The following SCGB3A1 variants were observed in gnomAD, a reference collection of about 807,000 sequenced individuals.
SCGB3A1 encodes cytokine HIN-1.
In SCGB3A1, 7 loss-of-function variants were observed where a neutral mutation model predicts 7.6. The observed-to-expected ratio is 0.93, with a 90% CI of 0.53 to 1.74. The LOEUF is 1.74. SCGB3A1 is among the 40% of genes most tolerant of loss of function. SCGB3A1 has a pLI of 0.00. For synonymous variants in SCGB3A1, 67 were observed against 66.6 expected, an observed-to-expected ratio of 1.01 and a Z score of -0.03; for missense variants, 119 against 129.0, an observed-to-expected ratio of 0.92 and a Z score of 0.38.
At position 180,590,772 on chromosome 5, in the gene SCGB3A1, G is replaced by T. The variant is rs773272977; in HGVS notation, c.119C>A (p.Ala40Glu). ...GGCCAGGGTCCCGGCCCCGGCCTCCGCCGCCGACTCCAGCGCAGCGACAGG... is the reference window on the plus strand; with the variant it reads ...GGCCAGGGTCCCGGCCCCGGCCTCCTCCGCCGACTCCAGCGCAGCGACAGG... The part of the protein sequence containing the change: ...AQPVAALESA[A>E]EAGAGTLANP... The change falls in exon 2 of 3, where the codon GCG becomes GAG. Residue 40 changes from alanine (A) to glutamate (E), a missense_variant. By Grantham distance (107) the Ala-to-Glu change is moderately radical. Coordinates refer to ENST00000292641, the MANE Select transcript of SCGB3A1 (RefSeq NM_052863.3). 6.3e-7 allele frequency: 1 copy of T among 1,590,772 alleles called. No individual in the cohort carries two copies. Among genetic ancestry groups the T allele is most frequent in the Middle Eastern group, 1.7e-4 (1 of 5,968 alleles).
chr5:180,591,403 G>A lies in SCGB3A1; in HGVS notation c.52+8C>T. Reference sequence around the variant, plus strand: ...CCACCGTGCGCGCCAGGAGCCCGGGGCGCTCACCGGAGCTGCAGGACAGGG... The same window carrying A: ...CCACCGTGCGCGCCAGGAGCCCGGGACGCTCACCGGAGCTGCAGGACAGGG... On this transcript the variant is annotated splice_region_variant and intron_variant, in intron 1 of 2. Transcript: ENST00000292641. 1.6e-6 allele frequency: 2 copies of A among 1,225,454 alleles called. No homozygotes were observed. The highest frequency in any genetic ancestry group is 2.0e-6 in the Non-Finnish European group (2 of 983,900). 75.9% of individuals were successfully genotyped at this position (1,225,454 alleles called of 1,614,324 possible). A position where few individuals can be genotyped will look rare whatever the true frequency, so the allele number is the denominator to read the frequency against.
chr5:180,591,404 C>T lies in SCGB3A1; in HGVS notation c.52+7G>A. The T allele has an allele frequency of 8.2e-7, 1 of 1,225,438 alleles. No homozygotes were observed. Among genetic ancestry groups the T allele is most frequent in the Non-Finnish European group, 1.0e-6 (1 of 983,888 alleles). The allele number at this position is 1,225,438 out of a possible 1,614,324, so 75.9% of individuals were successfully genotyped here. ...CACCGTGCGCGCCAGGAGCCCGGGG[C>T]GCTCACCGGAGCTGCAGGACAGGGC... On this transcript the variant is annotated splice_region_variant and intron_variant, in intron 1 of 2. Coordinates refer to ENST00000292641, the MANE Select transcript of SCGB3A1 (RefSeq NM_052863.3).
chr5:180,591,241 G>T (rs575858555), intron 1 of SCGB3A1, 170 bp downstream of exon 1: 2 of 458,046 alleles, frequency 4.4e-6, no homozygotes, highest in South Asian at 1.2e-4. Flanking sequence ...AGCCCTGAGA[G>T]GGGGAGGCCG....
Position 180,590,271 on chromosome 5 carries a change from G to C in SCGB3A1, c.292-17C>G. On this transcript the variant is annotated splice_polypyrimidine_tract_variant and intron_variant, in intron 2 of 2. Coordinates refer to ENST00000292641, the MANE Select transcript of SCGB3A1 (RefSeq NM_052863.3). ...CAGGGCCCCCTGGAAAGCAGAAGCC[G>C]AGCTTGAGTGCCCCCAGCCCTGCCA... is the stretch of plus-strand genomic sequence containing the variant. 1 of 1,573,094 alleles carries C rather than the reference G, an allele frequency of 6.4e-7. No homozygotes were observed. Among genetic ancestry groups the C allele is most frequent in the Non-Finnish European group, 8.6e-7 (1 of 1,159,216 alleles).
chr5:180,590,894 G>A, intron 1 of SCGB3A1, 56 bp from the exon 2 acceptor site: 1 of 1,347,776 alleles, frequency 7.4e-7, no homozygotes, highest in Non-Finnish European at 1.0e-6. Flanking sequence ...CAGAAGGCAG[G>A]TCCAGGACGC....
chr5:180,590,106 GC>G lies in SCGB3A1; in HGVS notation c.*124del. The G allele has an allele frequency of 9.0e-7, 1 of 1,110,428 alleles. No individual in the cohort carries two copies. Among genetic ancestry groups the G allele is most frequent in the Non-Finnish European group, 1.3e-6 (1 of 746,560 alleles). 68.8% of individuals were successfully genotyped at this position (1,110,428 alleles called of 1,614,324 possible). A position where few individuals can be genotyped will look rare whatever the true frequency, so the allele number is the denominator to read the frequency against. On this transcript the variant is annotated 3_prime_UTR_variant, in exon 3 of 3. Coordinates refer to ENST00000292641, the MANE Select transcript of SCGB3A1 (RefSeq NM_052863.3). The stretch of plus-strand genomic sequence containing the variant: ...GATGAGAAAATACCAGGCTCGAGCT[GC>G]TCTTAACCACGTTTATTGAGAGGGG...
At chr5:180,590,391 C>A in intron 2 of SCGB3A1, 137 bp from the exon 3 acceptor site, 2 of 1,215,734 alleles carry the variant, frequency 1.6e-6, no homozygotes, top group Non-Finnish European at 2.3e-6. Context: ...CGCACCCGCG[C>A]GGGGCCATCT....
intron 2 of SCGB3A1, 59 bp downstream of exon 2, chr5:180,590,533 GTGCAGTTT>G: frequency 1.5e-6 from 2 of 1,294,298 alleles, no homozygotes; most frequent in Non-Finnish European, 2.2e-6. Context: ...GACACCTCTG[GTGCAGTTT>G]TGAGGCTGGC....
chr5:180,590,225 C>A lies in SCGB3A1; in HGVS notation c.*6G>T. The A allele has an allele frequency of 6.3e-7, 1 of 1,582,630 alleles. No individual in the cohort carries two copies. The highest frequency in any genetic ancestry group is 8.6e-7 in the Non-Finnish European group (1 of 1,164,710). ...TGTCCTCAGGTGTAGATGCTCCAGT[C>A]TCGGCTCAGCCAAACACTGTCAGGG... On this transcript the variant is annotated 3_prime_UTR_variant, in exon 3 of 3. Coordinates refer to ENST00000292641, the MANE Select transcript of SCGB3A1 (RefSeq NM_052863.3).
intron 1 of SCGB3A1, chr5:180,591,073 G>A: frequency 2.0e-6 from 1 of 506,618 alleles, no homozygotes; most frequent in Non-Finnish European, 3.4e-6. Flanking sequence ...TGAGGGTGGC[G>A]GAAGGACCGG....
intron 2 of SCGB3A1, 116 bp downstream of exon 2, chr5:180,590,484 G>T: frequency 2.1e-6 from 2 of 964,944 alleles, no homozygotes; most frequent in Non-Finnish European, 3.1e-6. Flanking sequence ...GACAGGGCTT[G>T]GAGGGGCAGG....
intron 2 of SCGB3A1, 83 bp from the exon 3 acceptor site, chr5:180,590,337 G>GGGGAGC (rs1253478368): frequency 4.4e-5 from 68 of 1,528,598 alleles, no homozygotes; most frequent in Middle Eastern, 1.8e-4. Context: ...CCGGCTCTGT[G>GGGGAGC]GGGAGCGGGA....
At chr5:180,591,102 C>T (rs937196694) in intron 1 of SCGB3A1, 14 of 461,990 alleles carry the variant, frequency 3.0e-5, no homozygotes, top group African/African-American at 2.1e-4. Context: ...GTGCAGGGTC[C>T]GGGACAGGCC....
chr5:180,591,164 C>T, intron 1 of SCGB3A1: 1 of 407,234 alleles, frequency 2.5e-6, no homozygotes, highest in Non-Finnish European at 4.3e-6. Flanking sequence ...GAGCCGGTCT[C>T]CAGACGGGGG....
Position 180,590,143 on chromosome 5 carries a change from G to T in SCGB3A1, c.*88C>A. The T allele has an allele frequency of 7.1e-7, 1 of 1,415,766 alleles. No individual in the cohort carries two copies. Among genetic ancestry groups the T allele is most frequent in the Non-Finnish European group, 9.8e-7 (1 of 1,021,934 alleles). 87.7% of individuals were successfully genotyped at this position (1,415,766 alleles called of 1,614,324 possible). A position where few individuals can be genotyped will look rare whatever the true frequency, so the allele number is the denominator to read the frequency against. On this transcript the variant is annotated 3_prime_UTR_variant, in exon 3 of 3. Transcript: ENST00000292641. Reference sequence around the variant, plus strand: ...GTTTATTGAGAGGGGCCGGGGGAAGGGGATGGACGGTCCTCCCCGCGGCGG... The same window carrying T: ...GTTTATTGAGAGGGGCCGGGGGAAGTGGATGGACGGTCCTCCCCGCGGCGG...
At position 180,590,537 on chromosome 5, in the gene SCGB3A1, A is replaced by T; in HGVS notation, c.291+63T>A. 2.3e-6 allele frequency: 3 copies of T among 1,326,232 alleles called. No homozygotes were observed. In the South Asian group the frequency reaches 3.9e-5, roughly 17 times the overall value. 82.2% of individuals were successfully genotyped at this position (1,326,232 alleles called of 1,614,324 possible). A position where few individuals can be genotyped will look rare whatever the true frequency, so the allele number is the denominator to read the frequency against. Reference sequence around the variant, plus strand: ...CGTAGGGCCGGGACACCTCTGGTGCAGTTTTGAGGCTGGCCGGGAAGGGAT... The same window carrying T: ...CGTAGGGCCGGGACACCTCTGGTGCTGTTTTGAGGCTGGCCGGGAAGGGAT... On this transcript the variant is annotated intron_variant, in intron 2 of 2. Coordinates refer to ENST00000292641, the MANE Select transcript of SCGB3A1 (RefSeq NM_052863.3).
rs990015157 is a variant in SCGB3A1, at chr5:180,590,203, C to T, written c.*28G>A. The T allele has an allele frequency of 1.9e-6, 3 of 1,577,934 alleles. No individual in the cohort carries two copies. The highest frequency in any genetic ancestry group is 2.6e-6 in the Non-Finnish European group (3 of 1,161,854). On this transcript the variant is annotated 3_prime_UTR_variant, in exon 3 of 3. Transcript: ENST00000292641. The stretch of plus-strand genomic sequence containing the variant: ...CCCTCGCGGGTGGGCAGCGTCTTGT[C>T]CTCAGGTGTAGATGCTCCAGTCTCG...
intron 2 of SCGB3A1, 138 bp from the exon 3 acceptor site, chr5:180,590,392 G>A (rs1761289781): frequency 1.6e-6 from 2 of 1,215,322 alleles, no homozygotes; most frequent in East Asian, 2.6e-5. Flanking sequence ...GCACCCGCGC[G>A]GGGCCATCTC....
chr5:180,590,340 G>C (rs1228550260), intron 2 of SCGB3A1, 86 bp from the exon 3 acceptor site: 3 of 1,516,992 alleles, frequency 2.0e-6, no homozygotes, highest in Non-Finnish European at 2.7e-6. Flanking sequence ...GCTCTGTGGG[G>C]AGCGGGAGCG....
Sources: gnomAD v4.1 joint callset for allele counts on GRCh38, gnomAD v4.1.1 for gene constraint, MANE v1.5 for transcripts, NCBI Gene and HGNC (gene_info 2026-07-23, HGNC 2026-07-21) for gene names.